Variants in HEXB observed in about 807,000 individuals in gnomAD.
HEXB encodes the protein beta-hexosaminidase subunit beta.
A neutral mutation model predicts 71.2 loss-of-function variants in HEXB; 51 were observed. The observed-to-expected ratio is 0.72, with a 90% CI of 0.57 to 0.90. HEXB has a LOEUF of 0.90. Among genes scored for constraint, HEXB ranks in the 40% least tolerant of loss-of-function variants. The probability of loss-of-function intolerance (pLI) is 0.00; values close to 1 mark genes in which losing one functional copy is unlikely to be tolerated. For missense variants in HEXB, 617 were observed against 677.0 expected (o/e 0.91, Z 0.98); for synonymous variants, 266 against 249.3 (o/e 1.07, Z -0.63).
At chr5:74,693,479 G>C in intron 2 of HEXB, 160 bp from the exon 3 acceptor site, 1 of 690,070 alleles carries the variant, frequency 1.4e-6, no homozygotes, top group Non-Finnish European at 2.7e-6. Flanking sequence ...GAACCTGCAG[G>C]ACATCCAAAT....
chr5:74,645,485 C>T (rs1303275449), intron 1 of HEXB, among the ~76,000 whole-genome samples: 1 of 152,164 alleles, frequency 6.6e-6, no homozygotes, highest in South Asian at 2.1e-4. Context: ...CTGTCTTTGT[C>T]CCGTAAGTAC....
At chr5:74,675,518 A>G (rs1748614678) in intron 1 of HEXB, among the ~76,000 whole-genome samples, 1 of 152,162 alleles carries the variant, frequency 6.6e-6, no homozygotes, top group South Asian at 2.1e-4. Context: ...TTTTGCTATT[A>G]TGTGAGGCCA....
chr5:74,661,543 GTGTGTGTGTGTGTGTGTGTGTC>G (rs1200050143), intron 1 of HEXB, among the ~76,000 whole-genome samples: 7 of 139,520 alleles, frequency 5.0e-5, no homozygotes, highest in South Asian at 4.3e-4. Context: ...GTGTGTGTGT[GTGTGTGTGTGTGTGTGTGTGTC>G]TCTCTCTCTC....
chr5:74,664,795 G>A (rs1057333301), intron 1 of HEXB, among the ~76,000 whole-genome samples: 1 of 152,114 alleles, frequency 6.6e-6, no homozygotes, highest in African/African-American at 2.4e-5. Flanking sequence ...CAAGTATCAA[G>A]CTAAGGAGAC....
At chr5:74,714,774 A>G (rs932194564) in intron 7 of HEXB, among the ~76,000 whole-genome samples, 4 of 152,224 alleles carry the variant, frequency 2.6e-5, no homozygotes, top group Non-Finnish European at 5.9e-5. Context: ...TAATTGCTCA[A>G]TATTATTAGA....
At chr5:74,664,072 A>C (rs1020123218) in intron 1 of HEXB, among the ~76,000 whole-genome samples, 2 of 152,074 alleles carry the variant, frequency 1.3e-5, no homozygotes. Flanking sequence ...GCTGACTAAC[A>C]TGGTGAAACC....
intron 1 of HEXB, among the ~76,000 whole-genome samples, chr5:74,664,521 C>T (rs1047763713): frequency 2.0e-5 from 3 of 149,370 alleles, no homozygotes; most frequent in African/African-American, 7.4e-5. Flanking sequence ...TTACATTCTC[C>T]CATTTCATGT....
intron 5 of HEXB, among the ~76,000 whole-genome samples, chr5:74,701,309 AT>A (rs1749254922): frequency 6.6e-6 from 1 of 152,154 alleles, no homozygotes; most frequent in Admixed American, 6.5e-5. Context: ...CTTAAATTTT[AT>A]TTTAGTATCA....
intron 1 of HEXB, among the ~76,000 whole-genome samples, chr5:74,645,533 G>A (rs1378762019): frequency 6.6e-6 from 1 of 152,188 alleles, no homozygotes; most frequent in Non-Finnish European, 1.5e-5. Context: ...TCTATTAGGG[G>A]CTTGTTATAG....
intron 1 of HEXB, among the ~76,000 whole-genome samples, chr5:74,671,055 AC>A (rs1748527599): frequency 6.6e-6 from 1 of 152,138 alleles, no homozygotes; most frequent in Admixed American, 6.6e-5. Context: ...CAGCAAAGTG[AC>A]CGAGAAAAGT....
chr5:74,664,529 T>C (rs527268464), intron 1 of HEXB, among the ~76,000 whole-genome samples: 41 of 151,476 alleles, frequency 2.7e-4, no homozygotes, highest in African/African-American at 9.9e-4. Flanking sequence ...TCCCATTTCA[T>C]GTAGTATGCC....
chr5:74,697,761 C>G (rs1464442057), intron 5 of HEXB, among the ~76,000 whole-genome samples: 1 of 150,460 alleles, frequency 6.6e-6, no homozygotes, highest in Non-Finnish European at 1.5e-5. Flanking sequence ...TACGTGGCCA[C>G]CACACCATAC....
intron 7 of HEXB, 77 bp downstream of exon 7, chr5:74,713,712 G>T (rs997735416): frequency 1.6e-6 from 2 of 1,213,428 alleles, no homozygotes; most frequent in Non-Finnish European, 2.4e-6. Flanking sequence ...CACCCAGGCT[G>T]GAGTGCAGTA....
intron 3 of HEXB, among the ~76,000 whole-genome samples, chr5:74,694,578 T>C (rs1395235888): frequency 1.3e-5 from 2 of 152,140 alleles, no homozygotes; most frequent in Non-Finnish European, 2.9e-5. Flanking sequence ...CCTTTCTTTC[T>C]AGGCAGATAA....
rs1478103679 is a variant in HEXB at position 74,657,112 on chromosome 5, C to T, written c.-377+16554C>T. Among the ~76,000 whole-genome samples, 5 of 152,170 alleles carry T rather than the reference C, an allele frequency of 3.3e-5. No individual in the cohort carries two copies. In the East Asian group the frequency reaches 9.6e-4, roughly 29 times the overall value. Reference sequence around the variant, plus strand: ...ACACAGCGACAAGAACAGGAGGCAACACAGAACCTCCCAGACTGTTGGTGG... The same window carrying T: ...ACACAGCGACAAGAACAGGAGGCAATACAGAACCTCCCAGACTGTTGGTGG... On this transcript the variant is annotated intron_variant, in intron 1 of 13. Transcript: ENST00000511181.
chr5:74,706,494 G>A (rs973171344), intron 6 of HEXB, among the ~76,000 whole-genome samples: 13 of 152,296 alleles, frequency 8.5e-5, no homozygotes, highest in Admixed American at 6.5e-4. Flanking sequence ...AGGGTGAGGC[G>A]TTGCCTCACT....
intron 1 of HEXB, among the ~76,000 whole-genome samples, chr5:74,687,335 A>C (rs1748897569): frequency 6.6e-6 from 1 of 152,190 alleles, no homozygotes; most frequent in Non-Finnish European, 1.5e-5. Flanking sequence ...TAGGCCCCAG[A>C]TTGTTCAGCA....
intron 1 of HEXB, among the ~76,000 whole-genome samples, chr5:74,669,773 G>A (rs891774118): frequency 2.6e-5 from 4 of 152,102 alleles, no homozygotes; most frequent in African/African-American, 7.2e-5. Context: ...ACAGCAAAAC[G>A]GAAGTTCAGG....
At chr5:74,666,711 A>G (rs372955855) in intron 1 of HEXB, among the ~76,000 whole-genome samples, 5 of 152,120 alleles carry the variant, frequency 3.3e-5, no homozygotes, top group Non-Finnish European at 7.4e-5. Context: ...ACCATGGTCA[A>G]TTCTCTCCCT....
Sources: allele counts gnomAD v4.1 joint callset (sites outside exome capture counted in the v4.1 genomes callset), GRCh38; gene constraint gnomAD v4.1.1; transcripts MANE v1.5; gene names NCBI Gene and HGNC (gene_info 2026-07-23, HGNC 2026-07-21).